Variants in HP1BP3 observed in about 807,000 individuals in gnomAD.
HP1BP3 encodes heterochromatin protein 1-binding protein 3.
In HP1BP3, 12 loss-of-function variants were observed where a neutral mutation model predicts 62.5. The ratio of observed to expected loss-of-function variants is 0.19; its 90% CI spans 0.12 to 0.31. The LOEUF (loss-of-function observed/expected upper bound fraction) is 0.31. HP1BP3 is among the 10% of genes least tolerant of loss of function. The pLI, the probability that HP1BP3 is intolerant of heterozygous loss-of-function variation, is 1.00. For synonymous variants in HP1BP3, 260 were observed against 237.8 expected, an observed-to-expected ratio of 1.09 and a Z score of -0.86; for missense variants, 502 against 651.8, an observed-to-expected ratio of 0.77 and a Z score of 2.50.
chr1:20,755,435 G>C (rs2056045853), intron 9 of HP1BP3: 1 of 446,074 alleles, frequency 2.2e-6, no homozygotes, highest in African/African-American at 2.0e-5. Context: ...AATCAGGCAT[G>C]GTGGTGGTGC....
chr1:20,745,628 G>T lies in HP1BP3; in HGVS notation c.1282C>A (p.Pro428Thr), dbSNP rs987157243. Residue 428 changes from proline (P) to threonine (T), a missense_variant, in exon 12 of 13, where the codon CCA (proline) becomes ACA (threonine). Physicochemically the swap from Pro to Thr is conservative, Grantham distance 38. Transcript: ENST00000438032. ...TCATCCTCATCTCTAGAATCATCTG[G>T]CTCTTTCTTCGGAAACAGAACTCCT... ...SPGVLFPKKE[P>T]DDSRDEDEDE... 6.2e-7 allele frequency: 1 copy of T among 1,613,744 alleles called. No homozygotes were observed. The highest frequency in any genetic ancestry group is 8.5e-7 in the Non-Finnish European group (1 of 1,179,802).
intron 4 of HP1BP3, chr1:20,775,481 GT>G (rs2057263183): frequency 6.6e-6 from 1 of 152,144 alleles, no homozygotes; most frequent in African/African-American, 2.4e-5. Context: ...AGTTTTAAAA[GT>G]TTTTAAAAAT....
chr1:20,746,923 G>A (rs2055375443), intron 11 of HP1BP3, among the ~76,000 whole-genome samples: 1 of 152,146 alleles, frequency 6.6e-6, no homozygotes, highest in Non-Finnish European at 1.5e-5. Flanking sequence ...TATTGAGGTG[G>A]GAGGATCACT....
intron 6 of HP1BP3, 118 bp from the exon 7 acceptor site, chr1:20,767,782 A>G: frequency 1.6e-6 from 1 of 633,310 alleles, no homozygotes; most frequent in Non-Finnish European, 2.7e-6. Flanking sequence ...TTCAGAGAAA[A>G]AAAAAAAAAC....
chr1:20,767,800 G>A, intron 6 of HP1BP3, 136 bp from the exon 7 acceptor site: 1 of 610,866 alleles, frequency 1.6e-6, no homozygotes, highest in South Asian at 2.1e-5. Context: ...AACAGTCAAT[G>A]CAGAGTCAAA....
intron 9 of HP1BP3, among the ~76,000 whole-genome samples, chr1:20,754,155 AG>A (rs2055948573): frequency 6.6e-6 from 1 of 152,256 alleles, no homozygotes; most frequent in African/African-American, 2.4e-5. Context: ...GAGTTCAGCA[AG>A]GGCGAAGGAT....
At chr1:20,786,657 G>A (rs1458366800) in intron 1 of HP1BP3, 1 of 152,232 alleles carries the variant, frequency 6.6e-6, no homozygotes, top group Non-Finnish European at 1.5e-5. Flanking sequence ...ACCACTGGGA[G>A]CTCCGTAATG....
chr1:20,773,680 A>G, intron 4 of HP1BP3, 70 bp from the exon 5 acceptor site: 1 of 1,100,436 alleles, frequency 9.1e-7, no homozygotes. Context: ...AGAAGGAGGA[A>G]AAGACCAGGG....
intron 4 of HP1BP3, chr1:20,776,027 A>G: frequency 6.8e-7 from 1 of 1,469,900 alleles, no homozygotes; most frequent in Non-Finnish European, 9.1e-7. Context: ...AAAAAAAAAA[A>G]ATTAAAAATT....
intron 6 of HP1BP3, among the ~76,000 whole-genome samples, chr1:20,770,555 T>A: frequency 6.6e-6 from 1 of 152,196 alleles, no homozygotes; most frequent in Non-Finnish European, 1.5e-5. Flanking sequence ...GCTCAAGTGA[T>A]CCTCCCAACT....
intron 8 of HP1BP3, among the ~76,000 whole-genome samples, chr1:20,757,533 G>C (rs925982691): frequency 6.6e-6 from 1 of 151,848 alleles, no homozygotes; most frequent in African/African-American, 2.4e-5. Flanking sequence ...CACCACACCC[G>C]GCTAATTTTG....
At chr1:20,746,041 TA>T (rs201047036) in intron 11 of HP1BP3, among the ~76,000 whole-genome samples, 1 of 150,972 alleles carries the variant, frequency 6.6e-6, no homozygotes. Flanking sequence ...CTCCAAGTCT[TA>T]AAAAAAAAGA....
rs1248552285 is a variant in HP1BP3 at position 20,742,058 on chromosome 1, A to G, written c.*2739T>C. Among the ~76,000 whole-genome samples the G allele has an allele frequency of 6.6e-6, 1 of 152,232 alleles. No homozygotes were observed. Among genetic ancestry groups the G allele is most frequent in the African/African-American group, 2.4e-5 (1 of 41,452 alleles). ...CTGTCCTTATAGTTAACAGAACGTTAGAGTTGGAAGAAACTTTAAATGATC... is the reference window on the plus strand; with the variant it reads ...CTGTCCTTATAGTTAACAGAACGTTGGAGTTGGAAGAAACTTTAAATGATC... On this transcript the variant is annotated 3_prime_UTR_variant, in exon 13 of 13. Coordinates refer to ENST00000438032, the MANE Select transcript of HP1BP3 (RefSeq NM_001372052.1).
intron 1 of HP1BP3, among the ~76,000 whole-genome samples, chr1:20,786,862 G>T (rs994843014): frequency 3.9e-5 from 6 of 152,164 alleles, no homozygotes; most frequent in African/African-American, 1.4e-4. Context: ...CGCCGACGCA[G>T]GCGCGCTGGG....
At chr1:20,771,865 T>C (rs1399437434) in intron 5 of HP1BP3, among the ~76,000 whole-genome samples, 1 of 152,246 alleles carries the variant, frequency 6.6e-6, no homozygotes, top group African/African-American at 2.4e-5. Context: ...CCACAGTGTC[T>C]ATTAAATCAA....
chr1:20,760,963 T>C (rs2056433585), intron 8 of HP1BP3, among the ~76,000 whole-genome samples: 1 of 152,248 alleles, frequency 6.6e-6, no homozygotes, highest in Non-Finnish European at 1.5e-5. Context: ...GTTATTGCTC[T>C]AATACAGGTG....
intron 11 of HP1BP3, 67 bp from the exon 12 acceptor site, chr1:20,745,723 G>GA: frequency 6.5e-7 from 1 of 1,549,144 alleles, no homozygotes; most frequent in East Asian, 2.3e-5. Flanking sequence ...TGTGAACCTA[G>GA]ATGCTCTTAC....
rs1355606830 is a variant in HP1BP3 at position 20,744,954 on chromosome 1, G to A, written c.1505C>T (p.Ala502Val). The A allele has an allele frequency of 6.2e-7, 1 of 1,614,132 alleles. No individual in the cohort carries two copies. Among genetic ancestry groups the A allele is most frequent in the Non-Finnish European group, 8.5e-7 (1 of 1,180,040 alleles). The change falls in exon 13 of 13, where the codon GCC (alanine) becomes GTC (valine). Residue 502 changes from alanine (A) to valine (V), a missense_variant. Coordinates refer to ENST00000438032, the MANE Select transcript of HP1BP3 (RefSeq NM_001372052.1). ...TCTGGTCTTCTTGGCAGGCGTTTTG[G>A]CCTTAGGAGGTGCTTTCTTAGGCAA... The part of the protein sequence containing the change: ...RPLPKKAPPK[A>V]KTPAKKTRPS...
intron 1 of HP1BP3, among the ~76,000 whole-genome samples, chr1:20,786,962 T>C (rs928155777): frequency 6.6e-6 from 1 of 151,364 alleles, no homozygotes; most frequent in Non-Finnish European, 1.5e-5. Flanking sequence ...GGAGGGCCCC[T>C]GAGGAGGAGT....
Sources: gnomAD v4.1 joint callset for allele counts (sites outside exome capture counted in the v4.1 genomes callset) on GRCh38, gnomAD v4.1.1 for gene constraint, MANE v1.5 for transcripts, NCBI Gene and HGNC (gene_info 2026-07-23, HGNC 2026-07-21) for gene names.